LMO7: variants seen among roughly 807,000 people sequenced by gnomAD.
The protein encoded by LMO7 is LIM domain only protein 7.
A neutral mutation model predicts 206.5 loss-of-function variants in LMO7; 120 were observed. The observed-to-expected ratio is 0.58, with a 90% CI of 0.50 to 0.68. LMO7 has a LOEUF of 0.68. Ranked by LOEUF, LMO7 falls within the 30% of genes least tolerant of loss-of-function variation. The probability of loss-of-function intolerance (pLI) is 0.00; values close to 1 mark genes in which losing one functional copy is unlikely to be tolerated. For synonymous variants in LMO7, 706 were observed against 681.5 expected (o/e 1.04, Z -0.56); for missense variants, 1,959 against 1,957.9 (o/e 1.00, Z -0.01).
chr13:75,789,599 C>G (rs1189271975), intron 4 of LMO7, among the ~76,000 whole-genome samples: 1 of 152,116 alleles, frequency 6.6e-6, no homozygotes, highest in Non-Finnish European at 1.5e-5. Context: ...TTAGCTAGGC[C>G]TTTGATGGAC....
chr13:75,677,997 A>G (rs2040169179), intron 1 of LMO7, among the ~76,000 whole-genome samples: 1 of 152,130 alleles, frequency 6.6e-6, no homozygotes. Flanking sequence ...CCTGTATAGT[A>G]TTCCATGGTG....
At chr13:75,847,164 G>T (rs2060071830) in intron 26 of LMO7, among the ~76,000 whole-genome samples, 1 of 152,132 alleles carries the variant, frequency 6.6e-6, no homozygotes, top group Non-Finnish European at 1.5e-5. Context: ...ATGAACCAAG[G>T]CATAGACAAA....
Position 75,853,256 on chromosome 13 carries a change from C to T in LMO7, c.4529C>T (p.Pro1510Leu). 2 of 1,614,084 alleles carry T rather than the reference C, an allele frequency of 1.2e-6. No individual in the cohort carries two copies. Among genetic ancestry groups the T allele is most frequent in the Non-Finnish European group, 1.7e-6 (2 of 1,179,998 alleles). Residue 1510 changes from proline (P) to leucine (L), a missense_variant, in exon 28 of 31, where the codon CCC becomes CTC. Physicochemically the swap from Pro to Leu is moderately conservative, Grantham distance 98 (BLOSUM62 -3). Transcript: ENST00000377534. Reference sequence around the variant, plus strand: ...TCAAACCGTGCCTACATGCGGAACCCCTCCTCCAGCGTGCCCCCACCTTCA... The same window carrying T: ...TCAAACCGTGCCTACATGCGGAACCTCTCCTCCAGCGTGCCCCCACCTTCA... ...STSNRAYMRN[P>L]SSSVPPPSAG...
chr13:75,623,368 A>G, intron 2 of LMO7: 1 of 1,067,044 alleles, frequency 9.4e-7, no homozygotes, highest in Non-Finnish European at 1.5e-6. Flanking sequence ...AGGCCAAAGC[A>G]TTTTTTTCTT....
At chr13:75,787,185 G>C (rs2052572333) in intron 4 of LMO7, among the ~76,000 whole-genome samples, 1 of 152,184 alleles carries the variant, frequency 6.6e-6, no homozygotes, top group African/African-American at 2.4e-5. Flanking sequence ...GTATTCAGTA[G>C]TCACCTTAAT....
At position 75,821,493 on chromosome 13, in the gene LMO7, G is replaced by C; in HGVS notation, c.2524G>C (p.Ala842Pro). Residue 842 changes from alanine (A) to proline (P), a missense_variant, in exon 14 of 31, where the codon GCT becomes CCT. Transcript: ENST00000377534. The stretch of plus-strand genomic sequence containing the variant: ...ACAAATGGAATCAACTCGTGTTTCA[G>C]CTTCTCTCCCCAGAAGTTACCGGAA... Reference protein sequence around the residue: ...STQMESTRVSASLPRSYRKTD... With the variant: ...STQMESTRVSPSLPRSYRKTD... 5.6e-6 allele frequency: 9 copies of C among 1,614,100 alleles called. No homozygotes were observed. Among genetic ancestry groups the C allele is most frequent in the Non-Finnish European group, 7.6e-6 (9 of 1,179,992 alleles).
intron 3 of LMO7, among the ~76,000 whole-genome samples, chr13:75,732,569 A>T (rs1157145557): frequency 6.6e-6 from 1 of 152,018 alleles, no homozygotes; most frequent in African/African-American, 2.4e-5. Context: ...CTTTGGTTTG[A>T]CTTTCCTCCT....
At chr13:75,745,976 T>C (rs1480103100) in intron 3 of LMO7, among the ~76,000 whole-genome samples, 1 of 152,188 alleles carries the variant, frequency 6.6e-6, no homozygotes, top group Admixed American at 6.5e-5. Context: ...TCTTTCAATA[T>C]ATATCCGGTT....
intron 11 of LMO7, among the ~76,000 whole-genome samples, chr13:75,809,903 C>T (rs1288368423): frequency 2.1e-5 from 3 of 144,490 alleles, no homozygotes; most frequent in Admixed American, 1.4e-4. Flanking sequence ...GCAATCTTGG[C>T]TCACAGCAAC....
chr13:75,629,554 G>A (rs948247410), intron 2 of LMO7, among the ~76,000 whole-genome samples: 9 of 152,286 alleles, frequency 5.9e-5, no homozygotes, highest in African/African-American at 7.2e-5. Context: ...ACACATTTCT[G>A]GAAAAGGGAG....
intron 27 of LMO7, among the ~76,000 whole-genome samples, 197 bp downstream of exon 27, chr13:75,849,489 T>G (rs1354540861): frequency 8.9e-5 from 13 of 146,546 alleles, no homozygotes; most frequent in Admixed American, 8.8e-4. Context: ...TTCTGGCTGT[T>G]TTTTTTTTTT....
rs539551517 is a variant in LMO7 at position 75,815,469 on chromosome 13, G to A, written c.1947-1692G>A. ...GGTGACCTTTACTGATATAAGGAGA[G>A]TGAGAGCTGAGCAGGTTGTGAAGAG... is the stretch of plus-strand genomic sequence containing the variant. On this transcript the variant is annotated intron_variant, in intron 11 of 30. Coordinates refer to ENST00000377534, the MANE Select transcript of LMO7 (RefSeq NM_001306080.2). 2.0e-5 allele frequency among the ~76,000 whole-genome samples: 3 copies of A among 152,296 alleles called. No individual in the cohort carries two copies. The South Asian group carries it at 6.2e-4, about 32-fold the overall frequency.
chr13:75,832,581 A>T (rs1250253987), intron 15 of LMO7, among the ~76,000 whole-genome samples: 5 of 152,194 alleles, frequency 3.3e-5, no homozygotes, highest in Admixed American at 1.3e-4. Flanking sequence ...GATGGATGCC[A>T]CTGGAGGCTA....
intron 1 of LMO7, among the ~76,000 whole-genome samples, chr13:75,666,906 C>T (rs1244222870): frequency 6.6e-6 from 1 of 152,032 alleles, no homozygotes; most frequent in East Asian, 1.9e-4. Context: ...GCTCAAGTTG[C>T]TACTTGTTGG....
At chr13:75,653,347 G>A (rs982655812) in intron 1 of LMO7, among the ~76,000 whole-genome samples, 3 of 152,174 alleles carry the variant, frequency 2.0e-5, no homozygotes, top group African/African-American at 7.2e-5. Context: ...TGTGCTTTCT[G>A]TGACATGATA....
chr13:75,632,028 G>C (rs2035018469), upstream of LMO7: 1 of 152,114 alleles, frequency 6.6e-6, no homozygotes, highest in Admixed American at 6.5e-5. Flanking sequence ...CTCCCATCAA[G>C]AGTTCATCAG....
chr13:75,796,621 T>TTC lies in LMO7; in HGVS notation c.349-14_349-13insCT, dbSNP rs2054049512. 1.0e-6 allele frequency: 1 copy of TTC among 992,430 alleles called. No individual in the cohort carries two copies. The highest frequency in any genetic ancestry group is 3.1e-5 in the African/African-American group (1 of 32,642). The allele number at this position is 992,430 out of a possible 1,614,324, so 61.5% of individuals were successfully genotyped here. A position where few individuals can be genotyped will look rare whatever the true frequency, so the allele number is the denominator to read the frequency against. On this transcript the variant is annotated splice_polypyrimidine_tract_variant and intron_variant, in intron 5 of 30. Transcript: ENST00000377534. ...TCGACTGATCTTGTTGTTCATGGATTTTTTTTTTTTTAAGGTTTTGATAAC... is the reference window on the plus strand; with the variant it reads ...TCGACTGATCTTGTTGTTCATGGATTTCTTTTTTTTTTTAAGGTTTTGATAAC...
At chr13:75,786,534 C>G (rs1221228380) in intron 4 of LMO7, among the ~76,000 whole-genome samples, 1 of 152,064 alleles carries the variant, frequency 6.6e-6, no homozygotes, top group Non-Finnish European at 1.5e-5. Context: ...GCCACCACGC[C>G]TGGCTAATTT....
intron 1 of LMO7, among the ~76,000 whole-genome samples, chr13:75,646,538 A>C (rs1202525499): frequency 6.7e-6 from 1 of 150,350 alleles, no homozygotes; most frequent in Non-Finnish European, 1.5e-5. Context: ...TACTGTGCTC[A>C]TACTGGCTTC....
Sources: gnomAD v4.1 joint callset for allele counts (sites outside exome capture counted in the v4.1 genomes callset) on GRCh38, gnomAD v4.1.1 for gene constraint, MANE v1.5 for transcripts, NCBI Gene and HGNC (gene_info 2026-07-23, HGNC 2026-07-21) for gene names.